The following PDS5B variants were observed in gnomAD, a reference collection of about 807,000 sequenced individuals.
The protein encoded by PDS5B is PDS5 cohesin associated factor B.
PDS5B carries 51 observed loss-of-function variants against 184.1 expected under a neutral mutation model. That is an observed-to-expected ratio of 0.28 (90% CI 0.22 to 0.35). The LOEUF is 0.35. Among genes scored for constraint, PDS5B ranks in the 10% least tolerant of loss-of-function variants. The pLI is 1.00. For missense variants in PDS5B, 1,180 were observed against 1,723.3 expected, an observed-to-expected ratio of 0.68 and a Z score of 5.58; for synonymous variants, 566 against 569.2, an observed-to-expected ratio of 0.99 and a Z score of 0.08.
Position 32,673,304 on chromosome 13 carries a change from T to C in PDS5B, c.794T>C (p.Ile265Thr). ...VFDLILELYNIDSHLLLSVLP... is the reference protein window; with the variant it reads ...VFDLILELYNTDSHLLLSVLP... ...GACTTAATTTTGGAGCTCTACAATA[T>C]TGATAGTCATTTGCTGCTCTCTGTT... The change falls in exon 8 of 35, where the codon ATT becomes ACT. Residue 265 changes from isoleucine to threonine, a missense_variant. Coordinates refer to ENST00000315596, the MANE Select transcript of PDS5B (RefSeq NM_015032.4). 8 of 1,613,058 alleles carry C rather than the reference T, an allele frequency of 5.0e-6. No individual in the cohort carries two copies. Among genetic ancestry groups the C allele is most frequent in the Non-Finnish European group, 6.8e-6 (8 of 1,179,280 alleles).
intron 19 of PDS5B, among the ~76,000 whole-genome samples, chr13:32,731,718 G>A (rs1246543087): frequency 6.6e-6 from 1 of 152,088 alleles, no homozygotes; most frequent in East Asian, 1.9e-4. Context: ...AATTGGAAGA[G>A]GCAGAGACTT....
At chr13:32,651,747 A>T in intron 2 of PDS5B, 57 bp from the exon 3 acceptor site, 1 of 1,034,504 alleles carries the variant, frequency 9.7e-7, no homozygotes, top group Non-Finnish European at 1.5e-6. Flanking sequence ...CCTTTATTTC[A>T]CATGACTGTA....
At chr13:32,745,893 G>A in intron 23 of PDS5B, 84 bp from the exon 24 acceptor site, 1 of 1,180,296 alleles carries the variant, frequency 8.5e-7, no homozygotes, top group Non-Finnish European at 1.2e-6. Context: ...TTTTGTGCCA[G>A]AATTTTTAAT....
At chr13:32,719,001 A>G (rs1365904663) in intron 19 of PDS5B, among the ~76,000 whole-genome samples, 2 of 152,246 alleles carry the variant, frequency 1.3e-5, no homozygotes, top group African/African-American at 4.8e-5. Context: ...TTTTACATAT[A>G]TTCCAGAAGA....
chr13:32,771,899 A>G (rs530994374), intron 33 of PDS5B, among the ~76,000 whole-genome samples: 6 of 152,116 alleles, frequency 3.9e-5, no homozygotes, highest in Admixed American at 3.9e-4. Flanking sequence ...GCTCTCCTAA[A>G]ATTACACAAG....
intron 6 of PDS5B, among the ~76,000 whole-genome samples, chr13:32,660,658 C>T (rs977592500): frequency 6.6e-6 from 1 of 152,194 alleles, no homozygotes; most frequent in South Asian, 2.1e-4. Context: ...CATCTGAGGC[C>T]TCCATCCGTT....
chr13:32,644,983 G>T (rs563321816), intron 1 of PDS5B, among the ~76,000 whole-genome samples: 1 of 152,048 alleles, frequency 6.6e-6, no homozygotes, highest in Admixed American at 6.6e-5. Context: ...ATTTGTCTGT[G>T]ATTTATTTTC....
At chr13:32,659,372 T>C (rs900924920) in intron 6 of PDS5B, 92 bp downstream of exon 6, 2 of 884,062 alleles carry the variant, frequency 2.3e-6, no homozygotes, top group African/African-American at 3.4e-5. Context: ...TTTATCCTGC[T>C]TTAATCTTTT....
intron 34 of PDS5B, among the ~76,000 whole-genome samples, chr13:32,774,476 AC>A (rs1331524699): frequency 1.3e-5 from 2 of 151,950 alleles, no homozygotes; most frequent in Non-Finnish European, 2.9e-5. Flanking sequence ...GTAAATTAAA[AC>A]CCTCTTTTAT....
intron 19 of PDS5B, among the ~76,000 whole-genome samples, chr13:32,718,202 G>A (rs926457636): frequency 2.6e-5 from 4 of 151,624 alleles, no homozygotes; most frequent in Non-Finnish European, 4.4e-5. Context: ...CCAGGCTGGA[G>A]GGCAGTGGCA....
At position 32,676,070 on chromosome 13, in the gene PDS5B, G is replaced by T; in HGVS notation, c.962+111G>T. On this transcript the variant is annotated intron_variant, in intron 9 of 34. Transcript: ENST00000315596. Reference sequence around the variant, plus strand: ...GTTCTCTGGAATCATAAAAATGAAGGATTTTTTATGTTGAAAGTTTTGAAA... The same window carrying T: ...GTTCTCTGGAATCATAAAAATGAAGTATTTTTTATGTTGAAAGTTTTGAAA... 4 of 582,312 alleles carry T rather than the reference G, an allele frequency of 6.9e-6. No homozygotes were observed. In the South Asian group the frequency reaches 8.5e-5, roughly 12 times the overall value. The allele number at this position is 582,312 out of a possible 1,614,324, so 36.1% of individuals were successfully genotyped here.
At chr13:32,738,357 A>C (rs1452378349) in intron 21 of PDS5B, among the ~76,000 whole-genome samples, 2 of 152,220 alleles carry the variant, frequency 1.3e-5, no homozygotes, top group Admixed American at 1.3e-4. Context: ...TAATGTTATT[A>C]TACACTGTTG....
intron 3 of PDS5B, among the ~76,000 whole-genome samples, chr13:32,653,826 C>CT (rs1300542747): frequency 6.6e-6 from 1 of 152,176 alleles, no homozygotes; most frequent in Non-Finnish European, 1.5e-5. Context: ...CTCTCCCGTA[C>CT]TAGATGTCTT....
At chr13:32,690,996 C>T (rs551411025) in intron 13 of PDS5B, 1 of 152,060 alleles carries the variant, frequency 6.6e-6, no homozygotes, top group South Asian at 2.1e-4. Flanking sequence ...TCTCCAAAAT[C>T]CATTACCTTT....
chr13:32,675,784 G>T, intron 8 of PDS5B, 60 bp from the exon 9 acceptor site: 1 of 918,516 alleles, frequency 1.1e-6, no homozygotes. Context: ...CAAAGAATGG[G>T]CAGCCTTATT....
chr13:32,608,681 C>G (rs542028991), intron 1 of PDS5B, among the ~76,000 whole-genome samples: 1 of 152,252 alleles, frequency 6.6e-6, no homozygotes, highest in African/African-American at 2.4e-5. Flanking sequence ...TGTCTCACTG[C>G]TTCTGAACCT....
intron 19 of PDS5B, 104 bp downstream of exon 19, chr13:32,710,210 C>CT: frequency 1.4e-6 from 1 of 730,624 alleles, no homozygotes; most frequent in Non-Finnish European, 2.0e-6. Context: ...GAAAAACTGT[C>CT]TAGGTTATCT....
At chr13:32,689,586 T>TG (rs1951489641) in intron 13 of PDS5B, 1 of 152,198 alleles carries the variant, frequency 6.6e-6, no homozygotes, top group Non-Finnish European at 1.5e-5. Context: ...ACATTTTTCC[T>TG]GTTTTACATA....
chr13:32,758,070 C>CTTT lies in PDS5B; in HGVS notation c.3057-5_3057-3dup. The CTTT allele has an allele frequency of 2.3e-5, 21 of 930,700 alleles. No individual in the cohort carries two copies. The highest frequency in any genetic ancestry group is 2.5e-4 in the Middle Eastern group (1 of 3,990). The allele number at this position is 930,700 out of a possible 1,614,324, so 57.7% of individuals were successfully genotyped here. A position where few individuals can be genotyped will look rare whatever the true frequency, so the allele number is the denominator to read the frequency against. On this transcript the variant is annotated splice_polypyrimidine_tract_variant and intron_variant, in intron 26 of 34. Coordinates refer to ENST00000315596, the MANE Select transcript of PDS5B (RefSeq NM_015032.4). The stretch of plus-strand genomic sequence containing the variant: ...GATTTTCTTCTATATTTCTTTTTTC[C>CTTT]TTTTTTTTTTTTTTAGATGTCTTTG...
Sources: allele counts gnomAD v4.1 joint callset (sites outside exome capture counted in the v4.1 genomes callset), GRCh38; gene constraint gnomAD v4.1.1; transcripts MANE v1.5; gene names NCBI Gene and HGNC (gene_info 2026-07-23, HGNC 2026-07-21).